CNTNAP2: variants seen among roughly 807,000 people sequenced by gnomAD.
The protein encoded by CNTNAP2 is contactin-associated protein-like 2.
CNTNAP2 carries 98 observed loss-of-function variants against 155.2 expected under a neutral mutation model. The observed-to-expected ratio is 0.63, with a 90% CI of 0.54 to 0.75. CNTNAP2 has a LOEUF of 0.75. CNTNAP2 is among the 30% of genes least tolerant of loss of function. The pLI, the probability that CNTNAP2 is intolerant of heterozygous loss-of-function variation, is 0.00. For missense variants in CNTNAP2, 1,727 were observed against 1,688.1 expected (o/e 1.02, Z -0.40); for synonymous variants, 651 against 631.2 (o/e 1.03, Z -0.47).
intron 11 of CNTNAP2, among the ~76,000 whole-genome samples, chr7:147,542,301 T>TA (rs5888269): frequency 0.5 from 71,068 of 143,408 alleles, 17,282 homozygotes; most frequent in East Asian, 0.64. Flanking sequence ...TGTTCAGTGG[T>TA]AAAAAAAAAA....
At chr7:147,916,166 C>T (rs1183353303) in intron 14 of CNTNAP2, among the ~76,000 whole-genome samples, 1 of 152,144 alleles carries the variant, frequency 6.6e-6, no homozygotes, top group Non-Finnish European at 1.5e-5. Flanking sequence ...GTTTCTGCAG[C>T]CCTGTGAGTG....
intron 1 of CNTNAP2, among the ~76,000 whole-genome samples, chr7:146,363,245 G>C (rs1354908223): frequency 6.6e-6 from 1 of 152,286 alleles, no homozygotes; most frequent in East Asian, 1.9e-4. Context: ...GTGGAGCTAG[G>C]ATGTTGCTGA....
chr7:147,185,186 G>A (rs1802539646), intron 8 of CNTNAP2, among the ~76,000 whole-genome samples: 1 of 151,850 alleles, frequency 6.6e-6, no homozygotes, highest in African/African-American at 2.4e-5. Context: ...CAGGAAAATA[G>A]AAAGAAGTAA....
intron 8 of CNTNAP2, among the ~76,000 whole-genome samples, chr7:147,266,092 A>G (rs1463340264): frequency 6.6e-6 from 1 of 152,164 alleles, no homozygotes; most frequent in Admixed American, 6.5e-5. Flanking sequence ...TCTCCAAACA[A>G]TCACAATACC....
Position 146,408,386 on chromosome 7 carries a change from C to G in CNTNAP2, c.97+291413C>G, listed in dbSNP as rs113081347. On this transcript the variant is annotated intron_variant, in intron 1 of 23. Transcript: ENST00000361727. ...TATACATTCTTTAGCACAGAAGGGA[C>G]TGCCTCAGAGACCTCTTTAAATTCT... 3.5e-3 allele frequency among the ~76,000 whole-genome samples: 536 copies of G among 152,226 alleles called. 3 individuals carry two copies. The highest frequency in any genetic ancestry group is 0.012 in the African/African-American group (496 of 41,542).
At chr7:147,610,785 CT>C (rs1215000826) in intron 12 of CNTNAP2, among the ~76,000 whole-genome samples, 1 of 152,130 alleles carries the variant, frequency 6.6e-6, no homozygotes, top group African/African-American at 2.4e-5. Flanking sequence ...GTTGCCTGGG[CT>C]GGAGTGCAGT....
At chr7:146,372,817 A>C (rs997878708) in intron 1 of CNTNAP2, among the ~76,000 whole-genome samples, 2 of 152,164 alleles carry the variant, frequency 1.3e-5, no homozygotes, top group Admixed American at 6.5e-5. Context: ...CACCAAAAAG[A>C]AGGCAATTGG....
At chr7:147,326,133 C>G (rs1014085656) in intron 9 of CNTNAP2, among the ~76,000 whole-genome samples, 1 of 152,178 alleles carries the variant, frequency 6.6e-6, no homozygotes, top group South Asian at 2.1e-4. Flanking sequence ...ACCGTGTTAG[C>G]CAGGATGGTC....
chr7:146,177,699 T>C (rs897286680), intron 1 of CNTNAP2, among the ~76,000 whole-genome samples: 6 of 152,246 alleles, frequency 3.9e-5, no homozygotes, highest in African/African-American at 1.4e-4. Context: ...AAAAATAATA[T>C]TTGAACTATT....
chr7:148,365,015 C>T (rs1798710948), intron 21 of CNTNAP2, among the ~76,000 whole-genome samples: 1 of 152,220 alleles, frequency 6.6e-6, no homozygotes, highest in Admixed American at 6.5e-5. Flanking sequence ...AAGGGACTGA[C>T]TCCAGACGCG....
chr7:146,167,797 C>T (rs999667017), intron 1 of CNTNAP2, among the ~76,000 whole-genome samples: 2 of 152,100 alleles, frequency 1.3e-5, no homozygotes, highest in African/African-American at 4.8e-5. Flanking sequence ...TATTGACTCA[C>T]ACGATCACAA....
intron 1 of CNTNAP2, among the ~76,000 whole-genome samples, chr7:146,182,083 A>C (rs1798557262): frequency 1.3e-5 from 2 of 152,096 alleles, no homozygotes; most frequent in South Asian, 4.1e-4. Context: ...TCACAGAAAT[A>C]ATGTAGAAAC....
At chr7:147,723,661 C>A (rs1796600415) in intron 13 of CNTNAP2, among the ~76,000 whole-genome samples, 1 of 152,032 alleles carries the variant, frequency 6.6e-6, no homozygotes, top group South Asian at 2.1e-4. Flanking sequence ...TAGTAACCAT[C>A]TTTCAAATAT....
rs28707787 is a variant in CNTNAP2 at position 147,437,351 on chromosome 7, T to C, written c.1670+41571T>C. The stretch of plus-strand genomic sequence containing the variant: ...TCTGAAAGTCCATCTAGCTAAACCC[T>C]GTCCTTTAACCATATGGGCCAAATG... On this transcript the variant is annotated intron_variant, in intron 10 of 23. Coordinates refer to ENST00000361727, the MANE Select transcript of CNTNAP2 (RefSeq NM_014141.6). 3.7e-3 allele frequency among the ~76,000 whole-genome samples: 562 copies of C among 152,296 alleles called. 3 individuals carry two copies. The highest frequency in any genetic ancestry group is 0.013 in the African/African-American group (537 of 41,572).
intron 20 of CNTNAP2, among the ~76,000 whole-genome samples, chr7:148,261,207 C>T (rs62472771): frequency 6.6e-6 from 1 of 152,092 alleles, no homozygotes; most frequent in Non-Finnish European, 1.5e-5. Flanking sequence ...CTCACCCAGG[C>T]TGGAGTGCAG....
At chr7:146,795,202 A>G (rs1802747418) in intron 2 of CNTNAP2, among the ~76,000 whole-genome samples, 1 of 152,256 alleles carries the variant, frequency 6.6e-6, no homozygotes, top group African/African-American at 2.4e-5. Flanking sequence ...GAATTAGAAT[A>G]TAATTAGTAA....
At chr7:147,815,711 A>T (rs1428767606) in intron 13 of CNTNAP2, among the ~76,000 whole-genome samples, 2 of 152,220 alleles carry the variant, frequency 1.3e-5, no homozygotes, top group Non-Finnish European at 2.9e-5. Flanking sequence ...CCAGGTGTGG[A>T]CATTTTTAAA....
At chr7:147,784,106 T>G (rs1797696853) in intron 13 of CNTNAP2, among the ~76,000 whole-genome samples, 1 of 151,972 alleles carries the variant, frequency 6.6e-6, no homozygotes, top group Admixed American at 6.6e-5. Flanking sequence ...TCTCTCTTTG[T>G]GCATGTCTCT....
chr7:146,949,121 A>G (rs1338482818), intron 3 of CNTNAP2, among the ~76,000 whole-genome samples: 1 of 152,192 alleles, frequency 6.6e-6, no homozygotes, highest in African/African-American at 2.4e-5. Flanking sequence ...CATTTTCTTC[A>G]TAATAGGTTC....
Sources: gnomAD v4.1 joint callset for allele counts (sites outside exome capture counted in the v4.1 genomes callset) on GRCh38, gnomAD v4.1.1 for gene constraint, MANE v1.5 for transcripts, NCBI Gene and HGNC (gene_info 2026-07-23, HGNC 2026-07-21) for gene names.